The following TCF7 variants were observed in gnomAD, a reference collection of about 807,000 sequenced individuals.
TCF7 encodes the protein transcription factor 7.
TCF7 carries 19 observed loss-of-function variants against 46.8 expected under a neutral mutation model. That is an observed-to-expected ratio of 0.41 (90% confidence interval 0.28 to 0.60). The LOEUF (loss-of-function observed/expected upper bound fraction) is 0.60. Among genes scored for constraint, TCF7 ranks in the 20% least tolerant of loss-of-function variants. The probability of loss-of-function intolerance (pLI) is 0.35; values close to 1 mark genes in which losing one functional copy is unlikely to be tolerated. For synonymous variants in TCF7, 245 were observed against 213.4 expected, an observed-to-expected ratio of 1.15 and a Z score of -1.29; for missense variants, 547 against 504.6, an observed-to-expected ratio of 1.08 and a Z score of -0.81.
chr5:134,112,974 T>C (rs542757632), upstream of TCF7, among the ~76,000 whole-genome samples: 16 of 152,126 alleles, frequency 1.1e-4, no homozygotes, highest in Non-Finnish European at 1.6e-4. Context: ...CCTAAAGCCA[T>C]TGGGTTGGGC....
chr5:134,131,393 G>C (rs1758106431), intron 3 of TCF7, among the ~76,000 whole-genome samples: 1 of 152,244 alleles, frequency 6.6e-6, no homozygotes, highest in Non-Finnish European at 1.5e-5. Context: ...TTGGCAAACA[G>C]AACAGTAACC....
chr5:134,140,295 C>G (rs1373803605), intron 5 of TCF7, among the ~76,000 whole-genome samples: 1 of 152,174 alleles, frequency 6.6e-6, no homozygotes, highest in Non-Finnish European at 1.5e-5. Context: ...GTGGGCAACC[C>G]AGGCAAAAAA....
intron 9 of TCF7, chr5:134,144,563 C>T (rs1316354306): frequency 1.9e-6 from 1 of 531,876 alleles, no homozygotes; most frequent in Middle Eastern, 5.1e-4. Flanking sequence ...TCCCATTCTT[C>T]CCACTGCCTC....
At chr5:134,143,545 A>C (rs778670705) in intron 8 of TCF7, 47 bp from the exon 9 acceptor site, 3 of 1,613,368 alleles carry the variant, frequency 1.9e-6, no homozygotes, top group South Asian at 1.1e-5. Flanking sequence ...TGGGTATCCC[A>C]ATGTCTGCCT....
At chr5:134,145,457 A>G (rs1442665527) in intron 9 of TCF7, 23 of 559,008 alleles carry the variant, frequency 4.1e-5, no homozygotes, top group South Asian at 3.6e-4. Context: ...GTGTTTCACC[A>G]TACAACAGAG....
intron 5 of TCF7, among the ~76,000 whole-genome samples, chr5:134,140,169 C>T (rs1759524508): frequency 6.6e-6 from 1 of 152,170 alleles, no homozygotes; most frequent in African/African-American, 2.4e-5. Flanking sequence ...GTATTTAAGC[C>T]ATCTCTCCAC....
intron 3 of TCF7, among the ~76,000 whole-genome samples, chr5:134,126,329 T>C (rs146409927): frequency 0.018 from 2,699 of 152,188 alleles, 37 homozygotes; most frequent in Non-Finnish European, 0.029. Context: ...TGGGGACAGA[T>C]GAACCTGGGA....
At chr5:134,140,260 G>C (rs1370282494) in intron 5 of TCF7, among the ~76,000 whole-genome samples, 2 of 152,224 alleles carry the variant, frequency 1.3e-5, no homozygotes, top group African/African-American at 4.8e-5. Context: ...TTAGGTCCCT[G>C]CCCTCTCAGA....
Position 134,138,988 on chromosome 5 carries a change from C to T in TCF7, c.585C>T (p.Phe195=), listed in dbSNP as rs771888210. Reference sequence around the variant, plus strand: ...TGCAGACCCCTGACCTCTCTGGCTTCTACTCCCTGACCTCAGGCAGCATGG... The same window carrying T: ...TGCAGACCCCTGACCTCTCTGGCTTTTACTCCCTGACCTCAGGCAGCATGG... The part of the protein sequence containing the change: ...RPLQTPDLSG[F]YSLTSGSMGQ... Residue 195 remains phenylalanine (F), a synonymous_variant, in exon 5 of 10, where the codon TTC becomes TTT. Transcript: ENST00000342854. The T allele has an allele frequency of 1.9e-6, 3 of 1,614,064 alleles. No individual in the cohort carries two copies. The South Asian group carries it at 3.3e-5, about 18-fold the overall frequency.
intron 3 of TCF7, among the ~76,000 whole-genome samples, chr5:134,132,907 C>A (rs1328517822): frequency 6.6e-6 from 1 of 152,092 alleles, no homozygotes; most frequent in Non-Finnish European, 1.5e-5. Context: ...CGCAGGAGCA[C>A]CCGAATGAGG....
rs140311269 is a variant in TCF7 at position 134,120,783 on chromosome 5, A to G, written c.441+4750A>G. On this transcript the variant is annotated intron_variant, in intron 3 of 9. Transcript: ENST00000342854. ...CTCAAACGGTTGGCACTGCTTTACA[A>G]TGCACTCACCATGCTTAACCCTAAG... 2.4e-3 allele frequency among the ~76,000 whole-genome samples: 371 copies of G among 152,318 alleles called. 1 individual carries two copies. Among genetic ancestry groups the G allele is most frequent in the African/African-American group, 8.2e-3 (339 of 41,574 alleles).
In TCF7 at chr5:134,128,163, C is replaced by T. The variant is rs1048468508; in HGVS notation, c.442-9896C>T. Reference sequence around the variant, plus strand: ...TGCAGCCACAGCTGGGTGCCTGGCTCCCCCGTCCCATCCCTTCCCACTCCT... The same window carrying T: ...TGCAGCCACAGCTGGGTGCCTGGCTTCCCCGTCCCATCCCTTCCCACTCCT... On this transcript the variant is annotated intron_variant, in intron 3 of 9. Coordinates refer to ENST00000342854, the MANE Select transcript of TCF7 (RefSeq NM_003202.5). Among the ~76,000 whole-genome samples the T allele has an allele frequency of 4.6e-5, 7 of 152,318 alleles. No homozygotes were observed. The South Asian group carries it at 1.5e-3, about 32-fold the overall frequency.
chr5:134,145,419 C>G, intron 9 of TCF7: 1 of 559,316 alleles, frequency 1.8e-6, no homozygotes, highest in Admixed American at 2.0e-5. Flanking sequence ...CAGGGGGTAC[C>G]CTGGGCTGTC....
Position 134,115,387 on chromosome 5 carries a change from G to A in TCF7, c.316G>A (p.Gly106Ser), listed in dbSNP as rs1197132989. The A allele has an allele frequency of 6.2e-7, 1 of 1,600,182 alleles. No homozygotes were observed. The highest frequency in any genetic ancestry group is 1.1e-5 in the South Asian group (1 of 88,716). The change falls in exon 2 of 10, where the codon GGC becomes AGC. Residue 106 changes from glycine to serine, a missense_variant and splice_region_variant. By Grantham distance (56) the Gly-to-Ser change is moderately conservative. Around this residue, in one of 3 missense-constraint regions of TCF7, gnomAD observed 425 missense variants for 349.9 expected, o/e 1.21. Coordinates refer to ENST00000342854, the MANE Select transcript of TCF7 (RefSeq NM_003202.5). Reference protein sequence around the residue: ...PDKLPEPLEDGLKAPECTSGM... With the variant: ...PDKLPEPLEDSLKAPECTSGM... ...CAAACTTCCAGAGCCCCTGGAGGAC[G>A]GTGAGTTTCTGCCCGGCCCGGCTTC...
intron 5 of TCF7, chr5:134,141,980 T>G (rs1759855461): frequency 1.8e-6 from 1 of 545,260 alleles, no homozygotes; most frequent in Non-Finnish European, 3.0e-6. Flanking sequence ...TGGCAATCTA[T>G]GTAGATTTTT....
intron 3 of TCF7, among the ~76,000 whole-genome samples, chr5:134,130,640 G>T (rs142708079): frequency 1.8e-3 from 279 of 152,336 alleles, no homozygotes; most frequent in Middle Eastern, 3.4e-3. Context: ...GCAGGCAGGA[G>T]AGGACGGGGG....
Position 134,142,829 on chromosome 5 carries a change from T to C in TCF7, c.864T>C (p.Ile288=). The change falls in exon 7 of 10, where the codon ATT becomes ATC. Residue 288 remains isoleucine (I), a synonymous_variant. Transcript: ENST00000342854. ...LYMKEMRAKV[I]AECTLKESAA... ...TGAAGGAGATGAGAGCCAAGGTCAT[T>C]GCAGAGTGCACACTTAAGGAGAGCG... 6.2e-7 allele frequency: 1 copy of C among 1,614,160 alleles called. No individual in the cohort carries two copies. The highest frequency in any genetic ancestry group is 8.5e-7 in the Non-Finnish European group (1 of 1,180,008).
intron 3 of TCF7, among the ~76,000 whole-genome samples, chr5:134,135,850 T>C (rs547770637): frequency 6.6e-6 from 1 of 152,234 alleles, no homozygotes; most frequent in South Asian, 2.1e-4. Flanking sequence ...GAGTGGCCCA[T>C]GAAGCTGGAG....
chr5:134,144,919 G>C, intron 9 of TCF7: 11 of 1,519,234 alleles, frequency 7.2e-6, no homozygotes, highest in South Asian at 1.1e-5. Context: ...CTGCTTCCCT[G>C]ACTCTGCACA....
Sources: allele counts gnomAD v4.1 joint callset (sites outside exome capture counted in the v4.1 genomes callset), GRCh38; gene constraint gnomAD v4.1.1; regional missense constraint gnomAD v4.1.1; transcripts MANE v1.5; gene names NCBI Gene and HGNC (gene_info 2026-07-23, HGNC 2026-07-21).